Variants in GALNTL6 observed in about 807,000 individuals in gnomAD.
GALNTL6 encodes the protein polypeptide N-acetylgalactosaminyltransferase-like 6.
GALNTL6 carries 46 observed loss-of-function variants against 73.7 expected under a neutral mutation model. The observed-to-expected ratio is 0.62, with a 90% confidence interval of 0.49 to 0.80. The LOEUF (loss-of-function observed/expected upper bound fraction) is 0.80. Among genes scored for constraint, GALNTL6 ranks in the 30% least tolerant of loss-of-function variants. The pLI is 0.00. For missense variants in GALNTL6, 604 were observed against 755.0 expected, an observed-to-expected ratio of 0.80 and a Z score of 2.34; for synonymous variants, 259 against 263.7, an observed-to-expected ratio of 0.98 and a Z score of 0.17.
chr4:172,488,768 T>C (rs1733786092), intron 5 of GALNTL6, among the ~76,000 whole-genome samples: 1 of 147,666 alleles, frequency 6.8e-6, no homozygotes, highest in South Asian at 2.1e-4. Flanking sequence ...CAGACAGATT[T>C]CAGAACCCCA....
chr4:172,041,839 T>C (rs1251697834), intron 2 of GALNTL6, among the ~76,000 whole-genome samples: 1 of 152,038 alleles, frequency 6.6e-6, no homozygotes, highest in Non-Finnish European at 1.5e-5. Context: ...TTGACTCTGG[T>C]CTAGCCCGTG....
chr4:172,998,387 G>A (rs1751890305), intron 10 of GALNTL6, among the ~76,000 whole-genome samples: 1 of 152,128 alleles, frequency 6.6e-6, no homozygotes, highest in Non-Finnish European at 1.5e-5. Context: ...TTTTATCAGA[G>A]TCTCAAATGA....
intron 5 of GALNTL6, among the ~76,000 whole-genome samples, chr4:172,418,113 C>T (rs1730912003): frequency 6.6e-6 from 1 of 152,170 alleles, no homozygotes; most frequent in Non-Finnish European, 1.5e-5. Context: ...GTAGTTAAGA[C>T]ACCATAGCAA....
At chr4:172,283,986 C>A (rs1004780080) in intron 3 of GALNTL6, among the ~76,000 whole-genome samples, 1 of 152,012 alleles carries the variant, frequency 6.6e-6, no homozygotes, top group Non-Finnish European at 1.5e-5. Context: ...AATTTTAGTT[C>A]TTACCAGCCC....
chr4:172,765,726 C>T (rs1358495423), intron 5 of GALNTL6, among the ~76,000 whole-genome samples: 2 of 151,920 alleles, frequency 1.3e-5, no homozygotes, highest in Non-Finnish European at 2.9e-5. Flanking sequence ...AAATCTATTT[C>T]CTCTTCAGTC....
At chr4:172,256,308 C>T (rs957276029) in intron 3 of GALNTL6, among the ~76,000 whole-genome samples, 1 of 151,336 alleles carries the variant, frequency 6.6e-6, no homozygotes, top group African/African-American at 2.4e-5. Flanking sequence ...CTCCAGACTC[C>T]GTCATTGTTC....
chr4:172,710,615 A>C (rs75365107), intron 5 of GALNTL6, among the ~76,000 whole-genome samples: 1 of 152,272 alleles, frequency 6.6e-6, no homozygotes, highest in East Asian at 1.9e-4. Context: ...AATTTATAAA[A>C]ACTGATTCAA....
intron 2 of GALNTL6, among the ~76,000 whole-genome samples, chr4:171,822,888 A>T (rs1339765663): frequency 6.6e-6 from 1 of 152,190 alleles, no homozygotes; most frequent in Admixed American, 6.5e-5. Flanking sequence ...AAAAATATGT[A>T]AGTTATTGTG....
At chr4:171,942,950 C>A (rs141807493) in intron 2 of GALNTL6, among the ~76,000 whole-genome samples, 235 of 152,282 alleles carry the variant, frequency 1.5e-3, no homozygotes, top group African/African-American at 5.2e-3. Flanking sequence ...GAGTAAGTAA[C>A]TAAATGACTG....
intron 3 of GALNTL6, among the ~76,000 whole-genome samples, chr4:172,301,033 T>G (rs750659627): frequency 6.6e-6 from 1 of 152,214 alleles, no homozygotes; most frequent in East Asian, 1.9e-4. Context: ...TCTTTTCACA[T>G]AGTCCCATAT....
intron 5 of GALNTL6, among the ~76,000 whole-genome samples, chr4:172,674,966 A>G (rs1314503672): frequency 2.6e-5 from 4 of 151,952 alleles, no homozygotes; most frequent in Non-Finnish European, 5.9e-5. Context: ...TCTGAATTCT[A>G]TTTCTATCAT....
chr4:172,354,933 T>G (rs1437285054), intron 5 of GALNTL6, among the ~76,000 whole-genome samples: 1 of 152,100 alleles, frequency 6.6e-6, no homozygotes, highest in Non-Finnish European at 1.5e-5. Flanking sequence ...AGTGCGAATG[T>G]GAATAATCTC....
chr4:172,204,618 T>G (rs1290599481), intron 2 of GALNTL6, among the ~76,000 whole-genome samples: 1 of 152,208 alleles, frequency 6.6e-6, no homozygotes, highest in African/African-American at 2.4e-5. Flanking sequence ...CAAAAGTGTC[T>G]TAGTTTGCAT....
chr4:172,259,963 C>T (rs2111033470), intron 3 of GALNTL6, among the ~76,000 whole-genome samples: 1 of 151,690 alleles, frequency 6.6e-6, no homozygotes, highest in East Asian at 1.9e-4. Context: ...TTCCATTAGT[C>T]CACTTGCCTA....
intron 5 of GALNTL6, among the ~76,000 whole-genome samples, chr4:172,643,943 T>C (rs1740108170): frequency 6.6e-6 from 1 of 151,998 alleles, no homozygotes; most frequent in Non-Finnish European, 1.5e-5. Context: ...AGTATGCTTA[T>C]GTTCAATCTT....
chr4:172,455,207 G>C (rs1338457723), intron 5 of GALNTL6, among the ~76,000 whole-genome samples: 1 of 152,216 alleles, frequency 6.6e-6, no homozygotes, highest in Non-Finnish European at 1.5e-5. Context: ...GATGGTCTTA[G>C]CAACCCGCAG....
chr4:172,450,220 A>AAC (rs1467301893), intron 5 of GALNTL6, among the ~76,000 whole-genome samples: 1 of 151,302 alleles, frequency 6.6e-6, no homozygotes, highest in African/African-American at 2.4e-5. Context: ...TCCATTAAAA[A>AAC]AAAAAAAAAA....
chr4:171,930,696 C>T (rs1036866979), intron 2 of GALNTL6, among the ~76,000 whole-genome samples: 3 of 152,062 alleles, frequency 2.0e-5, no homozygotes, highest in Admixed American at 6.5e-5. Context: ...AATAGCCAGG[C>T]GTGGTGGTGG....
intron 2 of GALNTL6, among the ~76,000 whole-genome samples, chr4:172,091,355 A>G (rs1391881976): frequency 1.3e-5 from 2 of 152,128 alleles, no homozygotes; most frequent in Non-Finnish European, 2.9e-5. Context: ...CAAGAATTTG[A>G]CTTGCTCTCA....
Sources: gnomAD v4.1 joint callset for allele counts (sites outside exome capture counted in the v4.1 genomes callset) on GRCh38, gnomAD v4.1.1 for gene constraint, MANE v1.5 for transcripts, NCBI Gene and HGNC (gene_info 2026-07-23, HGNC 2026-07-21) for gene names.